Variants in UGGT2 observed in about 807,000 individuals in gnomAD.
UGGT2 encodes UDP-glucose:glycoprotein glucosyltransferase 2.
In UGGT2, 180 loss-of-function variants were observed where a neutral mutation model predicts 192.1. That is an observed-to-expected ratio of 0.94 (90% CI 0.83 to 1.06). The LOEUF (loss-of-function observed/expected upper bound fraction) is 1.06. Among genes scored for constraint, UGGT2 ranks in the 50% least tolerant of loss-of-function variants. The pLI, the probability that UGGT2 is intolerant of heterozygous loss-of-function variation, is 0.00. For missense variants in UGGT2, 1,849 were observed against 1,795.7 expected (o/e 1.03, Z -0.54); for synonymous variants, 580 against 591.0 (o/e 0.98, Z 0.27).
chr13:95,983,803 C>T lies in UGGT2; in HGVS notation c.1092+1G>A. Reference sequence around the variant, plus strand: ...GTTTTAAAAAAGGAATTCAAACAAACCTTTTGATTTTCCTTTATTTCTTCT... The same window carrying T: ...GTTTTAAAAAAGGAATTCAAACAAATCTTTTGATTTTCCTTTATTTCTTCT... On this transcript the variant is annotated splice_donor_variant, in intron 10 of 38. Coordinates refer to ENST00000376747, the MANE Select transcript of UGGT2 (RefSeq NM_020121.4). LOFTEE classifies it high-confidence loss of function. 6.4e-7 allele frequency: 1 copy of T among 1,553,850 alleles called. No homozygotes were observed. The highest frequency in any genetic ancestry group is 1.2e-5 in the South Asian group (1 of 82,640).
At chr13:95,815,969 GT>G (rs925884108) in intron 38 of UGGT2, among the ~76,000 whole-genome samples, 8 of 152,124 alleles carry the variant, frequency 5.3e-5, no homozygotes, top group Admixed American at 2.6e-4. Context: ...GTTTAAAAGT[GT>G]GTGGCACCTT....
At chr13:95,979,478 C>T (rs933976935) in intron 10 of UGGT2, among the ~76,000 whole-genome samples, 1 of 141,392 alleles carries the variant, frequency 7.1e-6, no homozygotes, top group African/African-American at 2.6e-5. Context: ...TCTTCTCCAT[C>T]CTCTAGTATT....
At chr13:95,866,055 A>C (rs558945629) in intron 30 of UGGT2, among the ~76,000 whole-genome samples, 7 of 151,492 alleles carry the variant, frequency 4.6e-5, no homozygotes, top group Admixed American at 4.6e-4. Flanking sequence ...GTGTGTGTTA[A>C]TGCTCTCTTC....
rs2050726322 is a variant in UGGT2, at chr13:95,970,164, GAATTT to G, written c.1278_1282del (p.Leu426PhefsTer21). On this transcript the variant is annotated frameshift_variant, in exon 12 of 39. Transcript: ENST00000376747. LOFTEE classifies it high-confidence loss of function. ...TACATAAGTATATTCCCAAATGTGT[GAATTT>G]AATTTTAAAAATTTGCTCATATCTT... 1 of 1,610,810 alleles carries G rather than the reference GAATTT, an allele frequency of 6.2e-7. No homozygotes were observed. Among genetic ancestry groups the G allele is most frequent in the African/African-American group, 1.3e-5 (1 of 74,846 alleles).
chr13:95,812,944 G>T (rs556556749), intron 38 of UGGT2, among the ~76,000 whole-genome samples: 2 of 152,296 alleles, frequency 1.3e-5, no homozygotes, highest in South Asian at 4.1e-4. Context: ...TATACATTTT[G>T]ATCGGTGAAT....
intron 24 of UGGT2, among the ~76,000 whole-genome samples, chr13:95,894,256 T>C (rs1233109886): frequency 6.6e-6 from 1 of 152,168 alleles, no homozygotes; most frequent in Non-Finnish European, 1.5e-5. Flanking sequence ...TAATATTATT[T>C]ATGACTATCT....
intron 12 of UGGT2, among the ~76,000 whole-genome samples, chr13:95,966,986 G>A (rs1311539816): frequency 2.0e-5 from 3 of 151,888 alleles, no homozygotes; most frequent in Admixed American, 6.6e-5. Flanking sequence ...AATTTATAAC[G>A]CTTCTCTGTT....
In UGGT2 at chr13:95,906,953, G is replaced by A. The variant is rs748441669; in HGVS notation, c.2296-3893C>T. On this transcript the variant is annotated intron_variant, in intron 20 of 38. Transcript: ENST00000376747. ...TTGGAAAGTGGGTGCAGCCCAGGCA[G>A]GGCATCGCCTCACCTGGAAAGCACA... 5.3e-5 allele frequency among the ~76,000 whole-genome samples: 8 copies of A among 152,160 alleles called. No individual in the cohort carries two copies. The East Asian group carries it at 5.8e-4, about 11-fold the overall frequency.
chr13:95,906,456 G>A lies in UGGT2; in HGVS notation c.2296-3396C>T, dbSNP rs143731444. ...AGAATGTAAAAAGACTGAAAAAAAT[G>A]AACAGTTTCTCAGAGAAACGTGGGA... On this transcript the variant is annotated intron_variant, in intron 20 of 38. Coordinates refer to ENST00000376747, the MANE Select transcript of UGGT2 (RefSeq NM_020121.4). 5.1e-3 allele frequency among the ~76,000 whole-genome samples: 772 copies of A among 152,144 alleles called. 6 individuals are homozygous for A. The highest frequency in any genetic ancestry group is 6.8e-3 in the Non-Finnish European group (459 of 67,990).
chr13:95,869,713 T>C (rs1415452174), intron 29 of UGGT2, among the ~76,000 whole-genome samples: 1 of 152,094 alleles, frequency 6.6e-6, no homozygotes, highest in Non-Finnish European at 1.5e-5. Context: ...TCTGGATACA[T>C]GAGGAAAATG....
chr13:95,854,234 T>G (rs746261461), intron 35 of UGGT2, 81 bp downstream of exon 35: 31 of 1,462,720 alleles, frequency 2.1e-5, no homozygotes, highest in Non-Finnish European at 2.8e-5. Flanking sequence ...TTAAGAAAAC[T>G]GTGTAATTTT....
At chr13:95,963,449 G>A (rs560272280) in intron 12 of UGGT2, among the ~76,000 whole-genome samples, 2 of 152,094 alleles carry the variant, frequency 1.3e-5, no homozygotes, top group Non-Finnish European at 1.5e-5. Flanking sequence ...AACATCATAC[G>A]CACTGTGGAA....
chr13:96,027,718 C>T (rs958151903), intron 2 of UGGT2, among the ~76,000 whole-genome samples: 4 of 152,136 alleles, frequency 2.6e-5, no homozygotes, highest in African/African-American at 9.7e-5. Context: ...GACAATTTGA[C>T]AAGAAACTCA....
chr13:95,996,184 GGGAA>G, intron 6 of UGGT2, 49 bp from the exon 7 acceptor site: 1 of 1,515,718 alleles, frequency 6.6e-7, no homozygotes, highest in Non-Finnish European at 9.1e-7. Flanking sequence ...TTTTCAGACT[GGGAA>G]AAGAACATGT....
chr13:95,917,953 C>G (rs9525081), intron 20 of UGGT2, among the ~76,000 whole-genome samples: 53,106 of 151,920 alleles, frequency 0.35, 10,036 homozygotes, highest in East Asian at 0.46. Flanking sequence ...ACCTTAACAC[C>G]CCATTAACAG....
chr13:96,023,184 C>T, intron 3 of UGGT2, 32 bp from the exon 4 acceptor site: 1 of 1,512,080 alleles, frequency 6.6e-7, no homozygotes, highest in Non-Finnish European at 8.9e-7. Flanking sequence ...TTAGCTACAG[C>T]AGTTGATAAT....
At chr13:95,853,504 T>A (rs765734531) in intron 36 of UGGT2, 39 bp downstream of exon 36, 10 of 1,557,376 alleles carry the variant, frequency 6.4e-6, no homozygotes, top group African/African-American at 1.4e-5. Flanking sequence ...ACAGTCTATG[T>A]ACACACACTC....
intron 10 of UGGT2, among the ~76,000 whole-genome samples, chr13:95,976,161 C>G (rs1222106604): frequency 6.6e-6 from 1 of 152,160 alleles, no homozygotes; most frequent in East Asian, 1.9e-4. Context: ...TTTTAGCTCT[C>G]ACATATGAGT....
intron 38 of UGGT2, among the ~76,000 whole-genome samples, chr13:95,823,740 ATT>A (rs1029911691): frequency 6.6e-6 from 1 of 152,110 alleles, no homozygotes. Flanking sequence ...TAATTGGAGC[ATT>A]TAGGCCATTT....
Sources: allele counts gnomAD v4.1 joint callset (sites outside exome capture counted in the v4.1 genomes callset), GRCh38; gene constraint gnomAD v4.1.1; transcripts MANE v1.5; gene names NCBI Gene and HGNC (gene_info 2026-07-23, HGNC 2026-07-21).